ADAMTS3: variants seen among roughly 807,000 people sequenced by gnomAD.
ADAMTS3 encodes the protein ADAM metallopeptidase with thrombospondin type 1 motif 3.
In ADAMTS3, 73 loss-of-function variants were observed where a neutral mutation model predicts 129.0. The ratio of observed to expected loss-of-function variants is 0.57; its 90% confidence interval spans 0.47 to 0.69. The LOEUF (loss-of-function observed/expected upper bound fraction) is 0.69, where lower values mean the gene tolerates loss of function less well. Among genes scored for constraint, ADAMTS3 ranks in the 30% least tolerant of loss-of-function variants. The pLI is 0.00. For missense variants in ADAMTS3, 1,457 were observed against 1,514.5 expected (o/e 0.96, Z 0.63); for synonymous variants, 477 against 510.8 (o/e 0.93, Z 0.89).
chr4:72,531,656 T>C (rs1417084289), intron 3 of ADAMTS3, among the ~76,000 whole-genome samples: 1 of 152,152 alleles, frequency 6.6e-6, no homozygotes, highest in Non-Finnish European at 1.5e-5. Flanking sequence ...CTCTGTTGCC[T>C]TGTGGCACAG....
At chr4:72,354,781 G>T (rs1271860518) in intron 4 of ADAMTS3, among the ~76,000 whole-genome samples, 1 of 151,858 alleles carries the variant, frequency 6.6e-6, no homozygotes, top group South Asian at 2.1e-4. Context: ...TATTTTGCTT[G>T]TCTCATCAGG....
intron 3 of ADAMTS3, among the ~76,000 whole-genome samples, chr4:72,504,650 T>C (rs757051529): frequency 2.0e-5 from 3 of 152,204 alleles, no homozygotes; most frequent in Non-Finnish European, 4.4e-5. Context: ...AATTTTTCAT[T>C]CAAATATCTT....
chr4:72,309,045 G>T (rs1719159671), intron 15 of ADAMTS3, among the ~76,000 whole-genome samples: 1 of 151,746 alleles, frequency 6.6e-6, no homozygotes, highest in Admixed American at 6.6e-5. Context: ...TAATTTATAT[G>T]CAACAAGAAT....
intron 3 of ADAMTS3, among the ~76,000 whole-genome samples, chr4:72,450,289 G>T (rs185571743): frequency 2.6e-5 from 4 of 151,532 alleles, no homozygotes; most frequent in African/African-American, 9.7e-5. Flanking sequence ...TGCACTGAAC[G>T]GTACAATTGC....
At chr4:72,519,572 C>T (rs142244885) in intron 3 of ADAMTS3, among the ~76,000 whole-genome samples, 1,762 of 152,258 alleles carry the variant, frequency 0.012, 43 homozygotes, top group African/African-American at 0.04. Context: ...TCCCTTCTCG[C>T]TTCATTTGAT....
At chr4:72,408,367 GCA>G (rs369261807) in intron 4 of ADAMTS3, among the ~76,000 whole-genome samples, 1 of 151,264 alleles carries the variant, frequency 6.6e-6, no homozygotes, top group African/African-American at 2.4e-5. Flanking sequence ...CATAGGAGGT[GCA>G]CACACACACA....
chr4:72,460,773 A>G (rs1045890854), intron 3 of ADAMTS3, among the ~76,000 whole-genome samples: 1 of 151,586 alleles, frequency 6.6e-6, no homozygotes, highest in African/African-American at 2.4e-5. Flanking sequence ...GGAATATTCA[A>G]AAACTGAAGA....
rs189074694 is a variant in ADAMTS3 at position 72,449,531 on chromosome 4, T to G, written c.505-34560A>C. On this transcript the variant is annotated intron_variant, in intron 3 of 21. Coordinates refer to ENST00000286657, the MANE Select transcript of ADAMTS3 (RefSeq NM_014243.3). ...CTCCTTCCAGCTTTCTTATTACTAT[T>G]GTAGTCCAAGCCACCATCACACCTC... Among the ~76,000 whole-genome samples, 600 of 151,882 alleles carry G rather than the reference T, an allele frequency of 4.0e-3. 1 individual carries two copies. The highest frequency in any genetic ancestry group is 6.8e-3 in the Non-Finnish European group (460 of 67,802).
chr4:72,480,661 A>G (rs575772593), intron 3 of ADAMTS3, among the ~76,000 whole-genome samples: 4 of 151,768 alleles, frequency 2.6e-5, no homozygotes, highest in African/African-American at 9.7e-5. Flanking sequence ...TAACCTGCAC[A>G]TTGTGCACAT....
At chr4:72,350,971 C>G (rs1260794219) in intron 4 of ADAMTS3, among the ~76,000 whole-genome samples, 1 of 151,932 alleles carries the variant, frequency 6.6e-6, no homozygotes, top group Non-Finnish European at 1.5e-5. Flanking sequence ...CTTCCTCTCT[C>G]CAGGCTCTCA....
intron 3 of ADAMTS3, among the ~76,000 whole-genome samples, chr4:72,473,002 G>C (rs981972704): frequency 6.6e-6 from 1 of 151,626 alleles, no homozygotes; most frequent in Non-Finnish European, 1.5e-5. Flanking sequence ...AAGTAACTTG[G>C]AACCCCATTA....
At chr4:72,291,869 G>A (rs529119772) in intron 19 of ADAMTS3, among the ~76,000 whole-genome samples, 210 of 152,238 alleles carry the variant, frequency 1.4e-3, no homozygotes, top group African/African-American at 4.8e-3. Flanking sequence ...TCCCACCAAC[G>A]GTGTAAAAGT....
intron 3 of ADAMTS3, among the ~76,000 whole-genome samples, chr4:72,518,615 CT>C (rs1720565230): frequency 6.6e-6 from 1 of 152,080 alleles, no homozygotes; most frequent in Non-Finnish European, 1.5e-5. Context: ...CTCTTTTGAT[CT>C]TTGTTGGTTT....
In ADAMTS3 at chr4:72,532,844, G is replaced by A. The variant is rs186286020; in HGVS notation, c.504+15634C>T. Among the ~76,000 whole-genome samples the A allele has an allele frequency of 5.0e-3, 758 of 152,098 alleles. 3 individuals are homozygous for A. Among genetic ancestry groups the A allele is most frequent in the Non-Finnish European group, 6.0e-3 (410 of 67,996 alleles). The stretch of plus-strand genomic sequence containing the variant: ...CATAGAAAAGAAATGGTAAAAATAC[G>A]GTATAAAAGATTTAAAATGGTACAC... On this transcript the variant is annotated intron_variant, in intron 3 of 21. Coordinates refer to ENST00000286657, the MANE Select transcript of ADAMTS3 (RefSeq NM_014243.3).
At chr4:72,499,716 T>C (rs890853246) in intron 3 of ADAMTS3, among the ~76,000 whole-genome samples, 1 of 152,112 alleles carries the variant, frequency 6.6e-6, no homozygotes. Flanking sequence ...GTACAATTGA[T>C]CCCGTCACCC....
intron 3 of ADAMTS3, among the ~76,000 whole-genome samples, chr4:72,459,933 C>A (rs1026010833): frequency 1.3e-5 from 2 of 151,538 alleles, no homozygotes; most frequent in Admixed American, 6.6e-5. Context: ...TAATTTTGTA[C>A]ATGAAACAAA....
intron 3 of ADAMTS3, among the ~76,000 whole-genome samples, chr4:72,458,070 C>A (rs994449084): frequency 6.6e-6 from 1 of 151,512 alleles, no homozygotes; most frequent in African/African-American, 2.4e-5. Flanking sequence ...TTTAACTGAG[C>A]GCATCTAGAG....
intron 5 of ADAMTS3, among the ~76,000 whole-genome samples, chr4:72,325,583 CTT>C (rs1719678083): frequency 6.6e-6 from 1 of 152,002 alleles, no homozygotes; most frequent in Admixed American, 6.6e-5. Context: ...GTAAAATGCA[CTT>C]TGTGTTAAAA....
At chr4:72,395,487 A>C (rs1355435035) in intron 4 of ADAMTS3, among the ~76,000 whole-genome samples, 1 of 152,220 alleles carries the variant, frequency 6.6e-6, no homozygotes, top group East Asian at 1.9e-4. Flanking sequence ...TAATGAGATA[A>C]AATAGATAAA....
Sources: allele counts gnomAD v4.1 joint callset (sites outside exome capture counted in the v4.1 genomes callset), GRCh38; gene constraint gnomAD v4.1.1; transcripts MANE v1.5; gene names NCBI Gene and HGNC (gene_info 2026-07-23, HGNC 2026-07-21).